YWHAG: variants seen among roughly 807,000 people sequenced by gnomAD.
YWHAG encodes the protein 14-3-3 protein gamma.
In YWHAG, 1 loss-of-function variant was observed where a neutral mutation model predicts 23.3. The ratio of observed to expected loss-of-function variants is 0.04; its 90% CI spans 0.02 to 0.20. YWHAG has a LOEUF of 0.20. Among genes scored for constraint, YWHAG ranks in the 10% least tolerant of loss-of-function variants. YWHAG has a pLI of 1.00. For synonymous variants in YWHAG, 160 were observed against 144.0 expected, an observed-to-expected ratio of 1.11 and a Z score of -0.80; for missense variants, 151 against 338.6, an observed-to-expected ratio of 0.45 and a Z score of 4.35.
At chr7:76,356,518 GTCA>G (rs1419112949) in intron 1 of YWHAG, among the ~76,000 whole-genome samples, 4 of 152,172 alleles carry the variant, frequency 2.6e-5, no homozygotes, top group Admixed American at 6.6e-5. Context: ...TCAGTAGGAA[GTCA>G]TCATTTTTTT....
At chr7:76,335,131 C>G (rs1256773490) in intron 1 of YWHAG, among the ~76,000 whole-genome samples, 1 of 152,176 alleles carries the variant, frequency 6.6e-6, no homozygotes. Flanking sequence ...AATCCCGGCT[C>G]ACTGCAACCT....
intron 1 of YWHAG, among the ~76,000 whole-genome samples, chr7:76,354,894 C>G (rs12531257): frequency 0.13 from 19,872 of 152,242 alleles, 1,350 homozygotes; most frequent in Middle Eastern, 0.22. Flanking sequence ...ATACAGTGTT[C>G]AAGTTCCATA....
In YWHAG at chr7:76,358,816, G is replaced by A. The variant is rs771390440; in HGVS notation, c.-8C>T. The A allele has an allele frequency of 6.3e-7, 1 of 1,589,686 alleles. No homozygotes were observed. Among genetic ancestry groups the A allele is most frequent in the Non-Finnish European group, 8.6e-7 (1 of 1,169,470 alleles). The stretch of plus-strand genomic sequence containing the variant: ...TTGCTCGCGGTCCACCATCTTCGCG[G>A]GGCTGGGTCTGGCCGGAGAAGGAGG... On this transcript the variant is annotated 5_prime_UTR_variant, in exon 1 of 2. Transcript: ENST00000307630.
rs749364591 is a variant in YWHAG, at chr7:76,329,722, G to A, written c.599C>T (p.Ala200Val). 10 of 1,614,202 alleles carry A rather than the reference G, an allele frequency of 6.2e-6. No individual in the cohort carries two copies. The highest frequency in any genetic ancestry group is 1.1e-5 in the South Asian group (1 of 91,086). The change falls in exon 2 of 2, where the codon GCG becomes GTG. Residue 200 changes from alanine to valine, a missense_variant. Physicochemically the swap from Ala to Val is moderately conservative, Grantham distance 64. Coordinates refer to ENST00000307630, the MANE Select transcript of YWHAG (RefSeq NM_012479.4). The surrounding 1 kb of genome is among the most constrained non-coding windows in gnomAD (Gnocchi z 6.1). Reference protein sequence around the residue: ...PEQACHLAKTAFDDAIAELDT... With the variant: ...PEQACHLAKTVFDDAIAELDT... ...AAGCTCGGCGATGGCGTCGTCGAAC[G>A]CGGTCTTGGCCAAGTGGCACGCTTG...
chr7:76,343,792 C>T lies in YWHAG; in HGVS notation c.88-13559G>A, dbSNP rs1803734994. Among the ~76,000 whole-genome samples, 5 of 152,274 alleles carry T rather than the reference C, an allele frequency of 3.3e-5. 1 individual carries two copies. In the South Asian group the frequency reaches 1.0e-3, roughly 32 times the overall value. ...TGGGACTCGCTGCTGGGACCTTCCA[C>T]CACCACGTGAAGAAGCCTGGGTTAA... On this transcript the variant is annotated intron_variant, in intron 1 of 1. Transcript: ENST00000307630.
chr7:76,348,089 A>G (rs975371364), intron 1 of YWHAG, among the ~76,000 whole-genome samples: 9 of 152,198 alleles, frequency 5.9e-5, no homozygotes, highest in African/African-American at 2.2e-4. Context: ...AGGTTAACCA[A>G]TGGAAAAATT....
chr7:76,337,987 T>A (rs575677945), intron 1 of YWHAG, among the ~76,000 whole-genome samples: 142 of 152,264 alleles, frequency 9.3e-4, no homozygotes, highest in African/African-American at 3.3e-3. Context: ...ACATGTTTTA[T>A]AAGTCCGGTG....
chr7:76,344,926 T>C (rs1275740243), intron 1 of YWHAG, among the ~76,000 whole-genome samples: 2 of 152,236 alleles, frequency 1.3e-5, no homozygotes, highest in Non-Finnish European at 2.9e-5. Flanking sequence ...GCAAAGTTCA[T>C]GGAGACCCAG....
Position 76,329,329 on chromosome 7 carries a change from G to C in YWHAG, c.*248C>G. 2.1e-6 allele frequency: 1 copy of C among 466,216 alleles called. No individual in the cohort carries two copies. Among genetic ancestry groups the C allele is most frequent in the Non-Finnish European group, 3.8e-6 (1 of 264,788 alleles). 28.9% of individuals were successfully genotyped at this position (466,216 alleles called of 1,614,324 possible). A position where few individuals can be genotyped will look rare whatever the true frequency, so the allele number is the denominator to read the frequency against. ...TAGAGACAGACAGCTCCACTTGCATGAATCTACAGAACAGTCCAGACGCCA... is the reference window on the plus strand; with the variant it reads ...TAGAGACAGACAGCTCCACTTGCATCAATCTACAGAACAGTCCAGACGCCA... On this transcript the variant is annotated 3_prime_UTR_variant, in exon 2 of 2. Transcript: ENST00000307630. The surrounding 1 kb of genome is among the most constrained non-coding windows in gnomAD (Gnocchi z 6.1).
intron 1 of YWHAG, among the ~76,000 whole-genome samples, chr7:76,339,771 TAC>T (rs1487147298): frequency 6.6e-6 from 1 of 152,012 alleles, no homozygotes; most frequent in African/African-American, 2.4e-5. Flanking sequence ...GAAGAGTAAA[TAC>T]AGTTTCTCTT....
intron 1 of YWHAG, among the ~76,000 whole-genome samples, chr7:76,337,575 C>A (rs1803634033): frequency 6.6e-6 from 1 of 151,164 alleles, no homozygotes; most frequent in Admixed American, 6.6e-5. Context: ...CCCTCTGCCA[C>A]CCAGGCTGGA....
chr7:76,329,054 C>A lies in YWHAG; in HGVS notation c.*523G>T, dbSNP rs1157954514. 6.5e-6 allele frequency: 1 copy of A among 154,344 alleles called. No individual in the cohort carries two copies. Among genetic ancestry groups the A allele is most frequent in the African/African-American group, 2.4e-5 (1 of 41,338 alleles). The allele number at this position is 154,344 out of a possible 1,614,324, so 9.6% of individuals were successfully genotyped here. ...CTTCGGAAAACTGGCAAGGCCTAAA[C>A]CATAAGGATGAATGAGACCTCAGGT... On this transcript the variant is annotated 3_prime_UTR_variant, in exon 2 of 2. Transcript: ENST00000307630. This position sits in a 1 kb window ranked among gnomAD's most constrained non-coding sequence, Gnocchi z 6.1.
At chr7:76,356,621 T>C (rs1803964950) in intron 1 of YWHAG, among the ~76,000 whole-genome samples, 1 of 152,250 alleles carries the variant, frequency 6.6e-6, no homozygotes, top group African/African-American at 2.4e-5. Context: ...AACTATATTC[T>C]TGTTTAAAAT....
At chr7:76,349,701 T>G (rs537107027) in intron 1 of YWHAG, among the ~76,000 whole-genome samples, 1 of 152,292 alleles carries the variant, frequency 6.6e-6, no homozygotes, top group South Asian at 2.1e-4. Flanking sequence ...ATAGATCAAG[T>G]TCCAAACATC....
intron 1 of YWHAG, among the ~76,000 whole-genome samples, chr7:76,355,889 T>C (rs1803947735): frequency 6.6e-6 from 1 of 152,216 alleles, no homozygotes. Context: ...CAAGACAGTA[T>C]TGTCTAATAC....
At chr7:76,332,372 G>T (rs1168738677) in intron 1 of YWHAG, among the ~76,000 whole-genome samples, 1 of 152,222 alleles carries the variant, frequency 6.6e-6, no homozygotes, top group East Asian at 1.9e-4. Context: ...AATAACGGAA[G>T]ATTGGGCTTT....
At chr7:76,337,368 G>A (rs1563663971) in intron 1 of YWHAG, among the ~76,000 whole-genome samples, 1 of 152,096 alleles carries the variant, frequency 6.6e-6, no homozygotes. Flanking sequence ...TAAGTGACCA[G>A]CCCCCAGCTG....
intron 1 of YWHAG, among the ~76,000 whole-genome samples, chr7:76,339,462 T>C (rs1335017566): frequency 6.6e-6 from 1 of 152,102 alleles, no homozygotes; most frequent in Non-Finnish European, 1.5e-5. Context: ...AGAGCAAGAT[T>C]ACATCTCAAA....
chr7:76,358,538 A>G (rs1803999065), intron 1 of YWHAG, among the ~76,000 whole-genome samples, 184 bp downstream of exon 1: 1 of 152,066 alleles, frequency 6.6e-6, no homozygotes, highest in African/African-American at 2.4e-5. Flanking sequence ...GGGACTCCGA[A>G]AAGAGGCCGC....
Sources: allele counts gnomAD v4.1 joint callset (sites outside exome capture counted in the v4.1 genomes callset), GRCh38; gene constraint gnomAD v4.1.1; non-coding constraint Gnocchi (gnomAD v3.1); transcripts MANE v1.5; gene names NCBI Gene and HGNC (gene_info 2026-07-23, HGNC 2026-07-21).